Variants in EYS observed in about 807,000 individuals in gnomAD.
The protein encoded by EYS is protein eyes shut homolog.
In EYS, 250 loss-of-function variants were observed where a neutral mutation model predicts 282.1. That is an observed-to-expected ratio of 0.89 (90% CI 0.80 to 0.98). The LOEUF is 0.98. EYS is among the 50% of genes least tolerant of loss of function. EYS has a pLI of 0.00. For missense variants in EYS, 4,016 were observed against 3,709.0 expected, an observed-to-expected ratio of 1.08 and a Z score of -2.15; for synonymous variants, 1,355 against 1,282.9, an observed-to-expected ratio of 1.06 and a Z score of -1.20.
At chr6:65,347,973 A>C (rs1346083363) in intron 9 of EYS, among the ~76,000 whole-genome samples, 3 of 151,696 alleles carry the variant, frequency 2.0e-5, no homozygotes, top group Non-Finnish European at 4.4e-5. Flanking sequence ...ACATGAGAAC[A>C]TGTGAATTTG....
chr6:64,356,105 T>C (rs1378767473), intron 29 of EYS, among the ~76,000 whole-genome samples: 4 of 151,544 alleles, frequency 2.6e-5, no homozygotes, highest in African/African-American at 2.4e-5. Context: ...ATATAAATTA[T>C]AAAATTTTTT....
At chr6:64,546,682 A>T (rs1431824463) in intron 26 of EYS, among the ~76,000 whole-genome samples, 2 of 152,330 alleles carry the variant, frequency 1.3e-5, no homozygotes, top group East Asian at 3.9e-4. Context: ...CAACAAAAAA[A>T]CAAACAACCC....
intron 24 of EYS, among the ~76,000 whole-genome samples, chr6:64,595,067 C>T (rs12662368): frequency 0.098 from 14,873 of 152,020 alleles, 898 homozygotes; most frequent in East Asian, 0.15. Flanking sequence ...AAACTGAATA[C>T]AACAACATAT....
chr6:65,700,894 C>G (rs1769651118), intron 1 of EYS, among the ~76,000 whole-genome samples: 1 of 152,214 alleles, frequency 6.6e-6, no homozygotes, highest in African/African-American at 2.4e-5. Flanking sequence ...AATCCCATCT[C>G]TGTCCTACTT....
intron 12 of EYS, among the ~76,000 whole-genome samples, chr6:65,139,717 G>A (rs996259416): frequency 6.6e-6 from 1 of 152,004 alleles, no homozygotes; most frequent in African/African-American, 2.4e-5. Flanking sequence ...GTCAGCAGAG[G>A]CCCAGTGAAA....
chr6:65,005,759 C>T lies in EYS; in HGVS notation c.2138-8056G>A, dbSNP rs558760857. Among the ~76,000 whole-genome samples, 50 of 119,290 alleles carry T rather than the reference C, an allele frequency of 4.2e-4. 5 individuals are homozygous for T. Among genetic ancestry groups the T allele is most frequent in the Admixed American group, 2.3e-3 (28 of 12,430 alleles). 78.3% of individuals were successfully genotyped at this position (119,290 alleles called of 152,430 possible). Reference sequence around the variant, plus strand: ...CAATTTTCTTGGAGAAGCTGAGGACCGACTAGAGGTAGAAAGCAGCTGTCC... The same window carrying T: ...CAATTTTCTTGGAGAAGCTGAGGACTGACTAGAGGTAGAAAGCAGCTGTCC... On this transcript the variant is annotated intron_variant, in intron 13 of 42. Transcript: ENST00000503581.
At chr6:64,840,617 C>T (rs1329120760) in intron 19 of EYS, among the ~76,000 whole-genome samples, 1 of 152,030 alleles carries the variant, frequency 6.6e-6, no homozygotes, top group African/African-American at 2.4e-5. Flanking sequence ...ACTGAACCCT[C>T]ATTGCTCGTT....
At chr6:64,028,686 C>A (rs1033674231) in intron 33 of EYS, among the ~76,000 whole-genome samples, 24 of 152,198 alleles carry the variant, frequency 1.6e-4, no homozygotes, top group Non-Finnish European at 3.1e-4. Flanking sequence ...TAGCCCTCAT[C>A]TGTTTGGTCA....
intron 22 of EYS, among the ~76,000 whole-genome samples, chr6:64,663,670 C>A (rs1241750617): frequency 1.3e-5 from 2 of 152,124 alleles, no homozygotes; most frequent in African/African-American, 4.8e-5. Flanking sequence ...GCCAACTTCT[C>A]CCCTTAGTGA....
intron 22 of EYS, among the ~76,000 whole-genome samples, chr6:64,701,905 A>G (rs1770804759): frequency 6.6e-6 from 1 of 151,782 alleles, no homozygotes; most frequent in Non-Finnish European, 1.5e-5. Flanking sequence ...TAACTTTAAA[A>G]TAGTCTGGTT....
rs758769842 is a variant in EYS at position 63,999,175 on chromosome 6, G to C, written c.6734C>G (p.Thr2245Arg). 6.4e-7 allele frequency: 1 copy of C among 1,550,698 alleles called. No homozygotes were observed. The highest frequency in any genetic ancestry group is 1.2e-5 in the South Asian group (1 of 84,036). The part of the protein sequence containing the change: ...AFTPITIRYT[T>R]PVGSPGVVCM... ...AACAACTCCAGGGCTGCCAACAGGC[G>C]TTGTGTAGCTAAACGTAAAACAGAA... Residue 2245 changes from threonine to arginine, a missense_variant, in exon 34 of 43, where the codon ACG becomes AGG. Coordinates refer to ENST00000503581, the MANE Select transcript of EYS (RefSeq NM_001142800.2).
chr6:65,284,828 G>T (rs1277843138), intron 12 of EYS, among the ~76,000 whole-genome samples: 1 of 151,974 alleles, frequency 6.6e-6, no homozygotes, highest in African/African-American at 2.4e-5. Flanking sequence ...TTGAAAGATT[G>T]TTTGAAGCAA....
chr6:64,159,594 A>G (rs143582446), intron 31 of EYS, among the ~76,000 whole-genome samples: 1,618 of 149,974 alleles, frequency 0.011, 36 homozygotes, highest in African/African-American at 0.037. Flanking sequence ...AAAAGTTTAT[A>G]CATATTCAGC....
At chr6:64,654,180 C>T (rs983267612) in intron 22 of EYS, among the ~76,000 whole-genome samples, 5 of 152,072 alleles carry the variant, frequency 3.3e-5, no homozygotes, top group African/African-American at 1.2e-4. Flanking sequence ...TCTACTAGAG[C>T]AAAATAACTA....
chr6:65,472,723 A>G lies in EYS; in HGVS notation c.862+17871T>C, dbSNP rs749581268. On this transcript the variant is annotated intron_variant, in intron 5 of 42. Coordinates refer to ENST00000503581, the MANE Select transcript of EYS (RefSeq NM_001142800.2). The stretch of plus-strand genomic sequence containing the variant: ...TAAACTACGTATATTTCTGTATTTG[A>G]GAGCCATCACTCCATCTCATTAACT... Among the ~76,000 whole-genome samples, 5 of 152,162 alleles carry G rather than the reference A, an allele frequency of 3.3e-5. No individual in the cohort carries two copies. The East Asian group carries it at 5.8e-4, about 18-fold the overall frequency.
intron 26 of EYS, among the ~76,000 whole-genome samples, chr6:64,519,037 A>G (rs1777650303): frequency 6.6e-6 from 1 of 151,774 alleles, no homozygotes; most frequent in African/African-American, 2.4e-5. Flanking sequence ...GCAGCTAGAG[A>G]ACTGAAGCAC....
rs546659316 is a variant in EYS, at chr6:64,499,084, T to C, written c.5645-59732A>G. Among the ~76,000 whole-genome samples the C allele has an allele frequency of 1.1e-4, 17 of 152,302 alleles. No homozygotes were observed. The South Asian group carries it at 3.3e-3, about 30-fold the overall frequency. On this transcript the variant is annotated intron_variant, in intron 26 of 42. Coordinates refer to ENST00000503581, the MANE Select transcript of EYS (RefSeq NM_001142800.2). ...CTAATTTACACTCCCACCAACAATG[T>C]AAAAACATTCGTATTTCTCCACATC...
intron 26 of EYS, among the ~76,000 whole-genome samples, chr6:64,550,118 T>G (rs35821113): frequency 0.55 from 83,689 of 152,034 alleles, 23,127 homozygotes; most frequent in South Asian, 0.65. Context: ...TGCCACATTT[T>G]CTTAATCGAG....
intron 24 of EYS, among the ~76,000 whole-genome samples, chr6:64,612,095 T>C (rs2149845426): frequency 1.3e-5 from 2 of 152,160 alleles, no homozygotes; most frequent in South Asian, 4.1e-4. Context: ...GTGTCTTCTG[T>C]GTTAGGTTTA....
Sources: gnomAD v4.1 joint callset for allele counts (sites outside exome capture counted in the v4.1 genomes callset) on GRCh38, gnomAD v4.1.1 for gene constraint, MANE v1.5 for transcripts, NCBI Gene and HGNC (gene_info 2026-07-23, HGNC 2026-07-21) for gene names.